Variants in CFAP43 observed in about 807,000 individuals in gnomAD.
CFAP43 encodes cilia- and flagella-associated protein 43.
Under a neutral mutation model 218.9 loss-of-function variants are expected in CFAP43, and 155 were observed. That is an observed-to-expected ratio of 0.71 (90% CI 0.62 to 0.81). The LOEUF is 0.81. CFAP43 is among the 30% of genes least tolerant of loss of function. CFAP43 has a pLI of 0.00. For synonymous variants in CFAP43, 645 were observed against 681.3 expected, an observed-to-expected ratio of 0.95 and a Z score of 0.83; for missense variants, 1,778 against 1,954.3, an observed-to-expected ratio of 0.91 and a Z score of 1.70.
chr10:104,186,251 T>C (rs566394544), intron 14 of CFAP43, 128 bp from the exon 15 acceptor site: 4 of 731,238 alleles, frequency 5.5e-6, no homozygotes, highest in South Asian at 8.9e-5. Flanking sequence ...AGTGCAAACA[T>C]TGTCATTGTA....
intron 27 of CFAP43, 27 bp downstream of exon 27, chr10:104,161,010 G>T: frequency 6.3e-7 from 1 of 1,580,300 alleles, no homozygotes; most frequent in Non-Finnish European, 8.7e-7. Context: ...GATATGGTAG[G>T]TTATATTAAT....
intron 27 of CFAP43, among the ~76,000 whole-genome samples, chr10:104,155,981 T>G (rs1264480507): frequency 6.6e-6 from 1 of 152,012 alleles, no homozygotes; most frequent in Non-Finnish European, 1.5e-5. Context: ...GACAGTAGTT[T>G]GCATTAGAGT....
chr10:104,182,319 C>A (rs751741291), intron 17 of CFAP43, 47 bp downstream of exon 17: 1 of 1,476,176 alleles, frequency 6.8e-7, no homozygotes, highest in East Asian at 2.6e-5. Flanking sequence ...TTCTGATTTA[C>A]AAAGAAAGAA....
At chr10:104,136,457 G>A (rs964826891) in intron 34 of CFAP43, among the ~76,000 whole-genome samples, 1 of 151,474 alleles carries the variant, frequency 6.6e-6, no homozygotes, top group Admixed American at 6.6e-5. Flanking sequence ...TGCAACCTCC[G>A]CCTCCCGAGT....
chr10:104,132,551 G>A lies in CFAP43; in HGVS notation c.4597-355C>T, dbSNP rs562565074. The A allele has an allele frequency of 1.9e-3, 1,373 of 718,814 alleles. 3 individuals are homozygous for A. Among genetic ancestry groups the A allele is most frequent in the Middle Eastern group, 3.6e-3 (5 of 1,370 alleles). 44.5% of individuals were successfully genotyped at this position (718,814 alleles called of 1,614,324 possible). A position where few individuals can be genotyped will look rare whatever the true frequency, so the allele number is the denominator to read the frequency against. ...AATTGCTTGAACCCAGGAGGTGGAG[G>A]TTGTAGTGAGCGGATATCACACCAT... On this transcript the variant is annotated intron_variant, in intron 35 of 37. Transcript: ENST00000357060.
At chr10:104,210,836 G>C (rs1207135490) in intron 5 of CFAP43, among the ~76,000 whole-genome samples, 1 of 130,540 alleles carries the variant, frequency 7.7e-6, no homozygotes, top group African/African-American at 2.9e-5. Context: ...TGTCGCCCAG[G>C]CTGGAGTGCA....
intron 31 of CFAP43, among the ~76,000 whole-genome samples, chr10:104,144,509 C>T (rs752679726): frequency 6.6e-5 from 10 of 152,054 alleles, no homozygotes; most frequent in Non-Finnish European, 1.5e-4. Context: ...ATTAGCTGGG[C>T]GTGGTGGCAT....
intron 19 of CFAP43, among the ~76,000 whole-genome samples, chr10:104,176,290 T>C (rs1403487336): frequency 7.9e-5 from 12 of 152,088 alleles, no homozygotes; most frequent in Admixed American, 7.9e-4. Flanking sequence ...GGGCTATTTA[T>C]TTGAAAAAAT....
chr10:104,214,469 T>G, intron 3 of CFAP43, 43 bp from the exon 4 acceptor site: 1 of 1,471,308 alleles, frequency 6.8e-7, no homozygotes, highest in Non-Finnish European at 9.2e-7. Flanking sequence ...TTCATTTGAA[T>G]TTCATGTATT....
chr10:104,185,838 CA>C (rs2090011246), intron 15 of CFAP43, 135 bp downstream of exon 15: 1 of 633,444 alleles, frequency 1.6e-6, no homozygotes, highest in Non-Finnish European at 2.5e-6. Context: ...CAATGGCAAG[CA>C]AGGTAATTAG....
At chr10:104,133,842 T>C in intron 34 of CFAP43, 58 bp from the exon 35 acceptor site, 1 of 1,396,356 alleles carries the variant, frequency 7.2e-7, no homozygotes, top group Non-Finnish European at 9.7e-7. Flanking sequence ...GAACATAGAA[T>C]ATTTGAGGCT....
chr10:104,217,336 T>TTTTC (rs748219930), intron 3 of CFAP43, among the ~76,000 whole-genome samples: 8 of 119,968 alleles, frequency 6.7e-5, no homozygotes, highest in Admixed American at 1.5e-4. Flanking sequence ...TTTTCTTTTC[T>TTTTC]TTTCTTTCTT....
chr10:104,212,260 G>C, intron 4 of CFAP43, 103 bp from the exon 5 acceptor site: 1 of 1,160,902 alleles, frequency 8.6e-7, no homozygotes, highest in Non-Finnish European at 1.2e-6. Context: ...ATTATAACTT[G>C]CAAAAATCAA....
chr10:104,132,078 A>G (rs772624094), intron 36 of CFAP43, 38 bp downstream of exon 36: 2 of 1,435,366 alleles, frequency 1.4e-6, no homozygotes, highest in East Asian at 4.6e-5. Context: ...ATGATTTACA[A>G]CTGTTAGGAT....
At chr10:104,178,966 A>C (rs1175881805) in intron 19 of CFAP43, 63 bp downstream of exon 19, 3 of 1,308,444 alleles carry the variant, frequency 2.3e-6, no homozygotes, top group Non-Finnish European at 3.2e-6. Context: ...AACAAAATTA[A>C]GTTCAAAAAG....
chr10:104,207,655 A>C lies in CFAP43; in HGVS notation c.895+10T>G, dbSNP rs17824653. The C allele has an allele frequency of 0.14, 225,802 of 1,608,484 alleles. 16,656 individuals carry two copies. The highest frequency in any genetic ancestry group is 0.22 in the South Asian group (19,627 of 90,094). ...GCTATACAGGAATATGAAGTAGGAC[A>C]GTTTCTTACCCAATGGCGATTCCTC... is the stretch of plus-strand genomic sequence containing the variant. On this transcript the variant is annotated intron_variant, in intron 6 of 37. Coordinates refer to ENST00000357060, the MANE Select transcript of CFAP43 (RefSeq NM_025145.7).
chr10:104,151,787 T>C (rs1418523129), intron 28 of CFAP43, among the ~76,000 whole-genome samples: 2 of 152,218 alleles, frequency 1.3e-5, no homozygotes, highest in African/African-American at 4.8e-5. Context: ...GCTTTTGGTA[T>C]CTTCATCATG....
chr10:104,175,318 G>A (rs1348673672), intron 19 of CFAP43, among the ~76,000 whole-genome samples: 1 of 152,110 alleles, frequency 6.6e-6, no homozygotes, highest in Non-Finnish European at 1.5e-5. Context: ...CTAGCTACTT[G>A]GAAGGATGAG....
rs1589784891 is a variant in CFAP43 at position 104,209,942 on chromosome 10, T to C, written c.735+2065A>G. 2.6e-5 allele frequency among the ~76,000 whole-genome samples: 4 copies of C among 152,330 alleles called. No homozygotes were observed. In the South Asian group the frequency reaches 6.2e-4, roughly 24 times the overall value. On this transcript the variant is annotated intron_variant, in intron 5 of 37. Transcript: ENST00000357060. Reference sequence around the variant, plus strand: ...CATAAAATGGCATAGTATTTCCATATAACCTACATACATCCCCCTGTAAAT... The same window carrying C: ...CATAAAATGGCATAGTATTTCCATACAACCTACATACATCCCCCTGTAAAT...
Sources: gnomAD v4.1 joint callset for allele counts (sites outside exome capture counted in the v4.1 genomes callset) on GRCh38, gnomAD v4.1.1 for gene constraint, MANE v1.5 for transcripts, NCBI Gene and HGNC (gene_info 2026-07-23, HGNC 2026-07-21) for gene names.